ASIC2: variants seen among roughly 807,000 people sequenced by gnomAD.
ASIC2 encodes acid-sensing ion channel 2.
A neutral mutation model predicts 57.3 loss-of-function variants in ASIC2; 25 were observed. The observed-to-expected ratio is 0.44, with a 90% CI of 0.32 to 0.61. The LOEUF (loss-of-function observed/expected upper bound fraction) is 0.61. Among genes scored for constraint, ASIC2 ranks in the 20% least tolerant of loss-of-function variants. The probability of loss-of-function intolerance (pLI) is 0.06; values close to 1 mark genes in which losing one functional copy is unlikely to be tolerated. For synonymous variants in ASIC2, 319 were observed against 307.5 expected, an observed-to-expected ratio of 1.04 and a Z score of -0.39; for missense variants, 641 against 738.1, an observed-to-expected ratio of 0.87 and a Z score of 1.52.
intron 1 of ASIC2, among the ~76,000 whole-genome samples, chr17:34,096,325 A>G (rs754557470): frequency 1.3e-5 from 2 of 152,200 alleles, no homozygotes; most frequent in Non-Finnish European, 2.9e-5. Flanking sequence ...GTTAAAGGTT[A>G]TAAGGTGAGA....
intron 1 of ASIC2, among the ~76,000 whole-genome samples, chr17:33,386,276 C>A (rs1157124919): frequency 6.6e-6 from 1 of 152,182 alleles, no homozygotes; most frequent in Non-Finnish European, 1.5e-5. Context: ...TAGGTGTCCA[C>A]TTTGCTTCTC....
intron 1 of ASIC2, among the ~76,000 whole-genome samples, chr17:33,612,180 T>C (rs1359926272): frequency 6.6e-6 from 1 of 152,194 alleles, no homozygotes; most frequent in African/African-American, 2.4e-5. Flanking sequence ...CTTTACTCAG[T>C]CTACTGGTTT....
chr17:33,468,546 A>G lies in ASIC2; in HGVS notation c.556-356479T>C, dbSNP rs141154411. On this transcript the variant is annotated intron_variant, in intron 1 of 9. Transcript: ENST00000359872. ...TTTCTCTCTGCTTCAGAACAATAAT[A>G]TAGTAATTTCATGATACTTTTTTTC... Among the ~76,000 whole-genome samples the G allele has an allele frequency of 7.4e-4, 112 of 152,320 alleles. 1 individual carries two copies. In the East Asian group the frequency reaches 0.02, roughly 27 times the overall value.
chr17:33,649,330 A>T (rs1168996472), intron 1 of ASIC2, among the ~76,000 whole-genome samples: 1 of 152,202 alleles, frequency 6.6e-6, no homozygotes, highest in African/African-American at 2.4e-5. Flanking sequence ...AAATAATTAC[A>T]ATCTAAATAT....
rs57244889 is a variant in ASIC2, at chr17:33,193,962, G to A, written c.709-81895C>T. Among the ~76,000 whole-genome samples the A allele has an allele frequency of 8.0e-3, 1,218 of 152,174 alleles. 15 individuals are homozygous for A. Among genetic ancestry groups the A allele is most frequent in the African/African-American group, 0.028 (1,145 of 41,504 alleles). On this transcript the variant is annotated intron_variant, in intron 1 of 9. Coordinates refer to ENST00000225823, the MANE Select transcript of ASIC2 (RefSeq NM_183377.2). ...ACTTTCTAGTATATTACTTTCACAC[G>A]ATTCCTTGTCTCAGGGTATTCTTCT...
At chr17:33,590,006 A>T (rs1433448789) in intron 1 of ASIC2, among the ~76,000 whole-genome samples, 1 of 152,158 alleles carries the variant, frequency 6.6e-6, no homozygotes, top group Non-Finnish European at 1.5e-5. Flanking sequence ...GGGGTGGTCC[A>T]CCCATCATAT....
Position 33,448,403 on chromosome 17 carries a change from A to T in ASIC2, c.556-336336T>A, listed in dbSNP as rs751460379. On this transcript the variant is annotated intron_variant, in intron 1 of 9. Transcript: ENST00000359872. ...ATATGGGAAAGATTTTGCATATATGAATAAATTAAGGATCTCGAGATAAGG... is the reference window on the plus strand; with the variant it reads ...ATATGGGAAAGATTTTGCATATATGTATAAATTAAGGATCTCGAGATAAGG... Among the ~76,000 whole-genome samples the T allele has an allele frequency of 2.5e-3, 383 of 152,312 alleles. 1 individual carries two copies. Among genetic ancestry groups the T allele is most frequent in the Non-Finnish European group, 4.4e-3 (302 of 68,032 alleles).
chr17:33,208,970 T>C (rs1034840486), intron 1 of ASIC2, among the ~76,000 whole-genome samples: 3 of 152,166 alleles, frequency 2.0e-5, no homozygotes, highest in Non-Finnish European at 4.4e-5. Flanking sequence ...TCTCTATATA[T>C]GTTTCCAGGG....
chr17:33,704,874 A>G (rs1245580880), intron 1 of ASIC2, among the ~76,000 whole-genome samples: 1 of 152,222 alleles, frequency 6.6e-6, no homozygotes. Context: ...TACGAAGTAG[A>G]TATACTATAT....
intron 1 of ASIC2, among the ~76,000 whole-genome samples, chr17:34,128,103 G>A (rs1200602670): frequency 1.3e-5 from 2 of 152,140 alleles, no homozygotes; most frequent in African/African-American, 4.8e-5. Context: ...TTTGAGAAAA[G>A]GAGAATGAAG....
At position 33,023,899 on chromosome 17, in the gene ASIC2, G is replaced by T; in HGVS notation, c.1311C>A (p.Tyr437Ter). The change falls in exon 6 of 10, where the codon TAC (tyrosine) becomes TAA (stop). Residue 437 changes from tyrosine to a stop codon, truncating the protein, a stop_gained. Transcript: ENST00000225823. LOFTEE classifies it high-confidence loss of function. Reference protein sequence around the residue: ...VKIPSKTSAKYLEKKFNKSEK... With the variant: ...VKIPSKTSAK Reference sequence around the variant, plus strand: ...CTGATTTGTTAAATTTCTTCTCAAGGTACTTGGCTGATGTCTTGCTGGGGA... The same window carrying T: ...CTGATTTGTTAAATTTCTTCTCAAGTTACTTGGCTGATGTCTTGCTGGGGA... 6.2e-7 allele frequency: 1 copy of T among 1,614,120 alleles called. No homozygotes were observed. Among genetic ancestry groups the T allele is most frequent in the Non-Finnish European group, 8.5e-7 (1 of 1,180,038 alleles).
intron 1 of ASIC2, among the ~76,000 whole-genome samples, chr17:33,218,086 A>G (rs1293361765): frequency 6.6e-6 from 1 of 152,250 alleles, no homozygotes; most frequent in Non-Finnish European, 1.5e-5. Context: ...CTTCTTTGCT[A>G]CGTAATGCAA....
chr17:33,081,157 G>A (rs562293677), intron 3 of ASIC2, among the ~76,000 whole-genome samples: 2 of 152,304 alleles, frequency 1.3e-5, no homozygotes, highest in East Asian at 1.9e-4. Flanking sequence ...TAGCCAATCA[G>A]CAATTCTTTG....
At chr17:33,519,254 T>C (rs1914669591) in intron 1 of ASIC2, among the ~76,000 whole-genome samples, 1 of 152,232 alleles carries the variant, frequency 6.6e-6, no homozygotes, top group African/African-American at 2.4e-5. Flanking sequence ...AAGGCCTTGC[T>C]CTTGGCCCTT....
In ASIC2 at chr17:33,215,104, A is replaced by G. The variant is rs1907425907; in HGVS notation, c.708+76304T>C. ...ACATATGGAAGATGCTTGGTCTCAC[A>G]CTCTTCATCCAAAATGAAAAGCAAA... On this transcript the variant is annotated intron_variant, in intron 1 of 9. Coordinates refer to ENST00000225823, the MANE Select transcript of ASIC2 (RefSeq NM_183377.2). Among the ~76,000 whole-genome samples, 4 of 152,182 alleles carry G rather than the reference A, an allele frequency of 2.6e-5. No individual in the cohort carries two copies. The South Asian group carries it at 8.3e-4, about 31-fold the overall frequency.
intron 1 of ASIC2, among the ~76,000 whole-genome samples, chr17:33,244,605 A>C (rs900995301): frequency 6.6e-6 from 1 of 152,182 alleles, no homozygotes; most frequent in Non-Finnish European, 1.5e-5. Context: ...TTACCACGAG[A>C]ATCTATGCTC....
At chr17:33,869,044 A>G (rs1421319916) in intron 1 of ASIC2, among the ~76,000 whole-genome samples, 2 of 152,220 alleles carry the variant, frequency 1.3e-5, no homozygotes, top group East Asian at 3.8e-4. Context: ...CACCCTGGGC[A>G]ACAGAGTGAG....
At chr17:33,856,813 C>A (rs948425568) in intron 1 of ASIC2, among the ~76,000 whole-genome samples, 1 of 152,080 alleles carries the variant, frequency 6.6e-6, no homozygotes, top group African/African-American at 2.4e-5. Context: ...GACCTGTAAG[C>A]AGTCATGATG....
intron 1 of ASIC2, chr17:34,003,616 G>A (rs1033024051): frequency 2.6e-5 from 4 of 152,066 alleles, no homozygotes; most frequent in Non-Finnish European, 5.9e-5. Flanking sequence ...TAGGTGCTTT[G>A]CGTGTTTTCT....
Sources: allele counts gnomAD v4.1 joint callset (sites outside exome capture counted in the v4.1 genomes callset), GRCh38; gene constraint gnomAD v4.1.1; transcripts MANE v1.5; gene names NCBI Gene and HGNC (gene_info 2026-07-23, HGNC 2026-07-21).